The following TVP23A variants were observed in gnomAD, a reference collection of about 807,000 sequenced individuals.
TVP23A encodes Golgi apparatus membrane protein TVP23 homolog A.
In TVP23A, 21 loss-of-function variants were observed where a neutral mutation model predicts 31.7. The ratio of observed to expected loss-of-function variants is 0.66; its 90% CI spans 0.47 to 0.95. TVP23A has a LOEUF of 0.95. Ranked by LOEUF, TVP23A falls within the 40% of genes least tolerant of loss-of-function variation. The pLI is 0.00. For synonymous variants in TVP23A, 104 were observed against 96.0 expected, an observed-to-expected ratio of 1.08 and a Z score of -0.49; for missense variants, 279 against 255.6, an observed-to-expected ratio of 1.09 and a Z score of -0.62.
In TVP23A at chr16:10,767,557, T is replaced by A; in HGVS notation, c.*1545A>T. The A allele has an allele frequency of 2.2e-6, 1 of 452,398 alleles. No individual in the cohort carries two copies. Among genetic ancestry groups the A allele is most frequent in the Non-Finnish European group, 3.9e-6 (1 of 258,808 alleles). 28.0% of individuals were successfully genotyped at this position (452,398 alleles called of 1,614,324 possible). ...AAGACACCTAGAACACTAGTAGCCCTTTTCGGACTTGGCCTTTTATGCCAT... is the reference window on the plus strand; with the variant it reads ...AAGACACCTAGAACACTAGTAGCCCATTTCGGACTTGGCCTTTTATGCCAT... On this transcript the variant is annotated 3_prime_UTR_variant, in exon 8 of 8. Transcript: ENST00000299866. This position sits in a 1 kb window ranked among gnomAD's most constrained non-coding sequence, Gnocchi z 4.6.
At chr16:10,814,359 C>A (rs909313145) in intron 2 of TVP23A, among the ~76,000 whole-genome samples, 2 of 152,212 alleles carry the variant, frequency 1.3e-5, no homozygotes, top group Non-Finnish European at 2.9e-5. Flanking sequence ...TGTTCCAACA[C>A]AGACTAACAA....
chr16:10,766,404 A>G (rs1362774434), downstream of TVP23A, among the ~76,000 whole-genome samples: 1 of 152,070 alleles, frequency 6.6e-6, no homozygotes, highest in African/African-American at 2.4e-5. The surrounding 1 kb of genome is among the most constrained non-coding windows in gnomAD (Gnocchi z 4.8). Flanking sequence ...CCCAGGGGGA[A>G]ATGCAGTTAG....
At position 10,767,322 on chromosome 16, in the gene TVP23A, C is replaced by G. The variant is rs980037363; in HGVS notation, c.*1780G>C. 5 of 399,498 alleles carry G rather than the reference C, an allele frequency of 1.3e-5. No homozygotes were observed. Among genetic ancestry groups the G allele is most frequent in the Non-Finnish European group, 1.3e-5 (3 of 226,878 alleles). 24.7% of individuals were successfully genotyped at this position (399,498 alleles called of 1,614,324 possible). A position where few individuals can be genotyped will look rare whatever the true frequency, so the allele number is the denominator to read the frequency against. ...AAACCTGGGTGTGCATAGGAGGGGA[C>G]TGGAACAATGGCCACATGGCGGGGA... On this transcript the variant is annotated 3_prime_UTR_variant, in exon 8 of 8. Coordinates refer to ENST00000299866, the MANE Select transcript of TVP23A (RefSeq NM_001079512.4). This position sits in a 1 kb window ranked among gnomAD's most constrained non-coding sequence, Gnocchi z 4.6.
At chr16:10,796,716 G>A (rs1376526375) in intron 2 of TVP23A, among the ~76,000 whole-genome samples, 2 of 152,180 alleles carry the variant, frequency 1.3e-5, no homozygotes, top group African/African-American at 2.4e-5. Flanking sequence ...GGGATTACAG[G>A]CGTGAGCCAC....
Position 10,767,986 on chromosome 16 carries a change from C to T in TVP23A, c.*1116G>A, listed in dbSNP as rs376114818. 58 of 1,613,932 alleles carry T rather than the reference C, an allele frequency of 3.6e-5. 3 individuals carry two copies. The South Asian group carries it at 4.5e-4, about 13-fold the overall frequency. ...ACAAAGGCCAGTCTTTTTTCATTGA[C>T]GCCCCAGATTCCCCAGCCACGTTAG... On this transcript the variant is annotated 3_prime_UTR_variant, in exon 8 of 8. Coordinates refer to ENST00000299866, the MANE Select transcript of TVP23A (RefSeq NM_001079512.4). This position sits in a 1 kb window ranked among gnomAD's most constrained non-coding sequence, Gnocchi z 4.6.
Position 10,767,433 on chromosome 16 carries a change from T to G in TVP23A, c.*1669A>C, listed in dbSNP as rs1567269901. ...CAAAGCAGCAGGCAGAATGTGTGTG[T>G]CATGTGCTCCCATTCGTATTTTAGG... On this transcript the variant is annotated 3_prime_UTR_variant, in exon 8 of 8. Coordinates refer to ENST00000299866, the MANE Select transcript of TVP23A (RefSeq NM_001079512.4). This position sits in a 1 kb window ranked among gnomAD's most constrained non-coding sequence, Gnocchi z 4.6. 2.5e-6 allele frequency: 1 copy of G among 400,186 alleles called. No homozygotes were observed. Among genetic ancestry groups the G allele is most frequent in the Non-Finnish European group, 4.4e-6 (1 of 227,418 alleles). The allele number at this position is 400,186 out of a possible 1,614,324, so 24.8% of individuals were successfully genotyped here. A position where few individuals can be genotyped will look rare whatever the true frequency, so the allele number is the denominator to read the frequency against.
exon 9 of TVP23A, chr16:10,761,446 T>A: frequency 6.2e-7 from 1 of 1,614,066 alleles, no homozygotes; most frequent in East Asian, 2.2e-5. Flanking sequence ...GTGGAGAACA[T>A]GAGTGGCTTC....
chr16:10,799,349 C>T (rs8051032), intron 2 of TVP23A, among the ~76,000 whole-genome samples: 36,287 of 152,104 alleles, frequency 0.24, 9,772 homozygotes, highest in African/African-American at 0.66. Flanking sequence ...TTTTTGTTTG[C>T]TTGAGACAGA....
intron 2 of TVP23A, among the ~76,000 whole-genome samples, chr16:10,784,667 T>C (rs2032636788): frequency 1.3e-5 from 2 of 152,180 alleles, no homozygotes; most frequent in South Asian, 4.1e-4. Flanking sequence ...TTAATAATAA[T>C]GTATTGGTTC....
chr16:10,798,103 C>G (rs1291443244), intron 2 of TVP23A, among the ~76,000 whole-genome samples: 3 of 151,282 alleles, frequency 2.0e-5, no homozygotes, highest in African/African-American at 7.3e-5. Context: ...CTACAGGCAC[C>G]TGCCACCACG....
intron 2 of TVP23A, among the ~76,000 whole-genome samples, chr16:10,792,096 A>G (rs2033138172): frequency 6.6e-6 from 1 of 152,202 alleles, no homozygotes; most frequent in African/African-American, 2.4e-5. Flanking sequence ...AAACCTGCCT[A>G]TAAAATCTGC....
Position 10,818,313 on chromosome 16 carries a change from G to C in TVP23A, c.10-131C>G, listed in dbSNP as rs1316290569. 7.5e-7 allele frequency: 1 copy of C among 1,333,308 alleles called. No individual in the cohort carries two copies. Among genetic ancestry groups the C allele is most frequent in the Non-Finnish European group, 1.0e-6 (1 of 967,940 alleles). The allele number at this position is 1,333,308 out of a possible 1,614,324, so 82.6% of individuals were successfully genotyped here. ...CCCAAGTGGACCCTCCGAGCTGGCGGGGCCCCTCCGCTGCGGCTGCAGTGC... is the reference window on the plus strand; with the variant it reads ...CCCAAGTGGACCCTCCGAGCTGGCGCGGCCCCTCCGCTGCGGCTGCAGTGC... On this transcript the variant is annotated intron_variant, in intron 1 of 7. Transcript: ENST00000299866. This position sits in a 1 kb window ranked among gnomAD's most constrained non-coding sequence, Gnocchi z 4.7.
intron 2 of TVP23A, among the ~76,000 whole-genome samples, chr16:10,811,926 T>C (rs959503736): frequency 1.5e-5 from 2 of 133,934 alleles, no homozygotes; most frequent in Admixed American, 7.4e-5. Context: ...AAAAAAAAAG[T>C]ACAAAAAGGC....
Position 10,772,788 on chromosome 16 carries a change from G to GACT in TVP23A, c.453+524_453+525insAGT, listed in dbSNP as rs2031725028. Among the ~76,000 whole-genome samples the GACT allele has an allele frequency of 4.5e-5, 5 of 109,904 alleles. No homozygotes were observed. In the East Asian group the frequency reaches 6.8e-4, roughly 15 times the overall value. The allele number at this position is 109,904 out of a possible 152,430, so 72.1% of individuals were successfully genotyped here. ...GGGAAGCAATGTCAAAAGGGCGCAA[G>GACT]GCTTCTTCCGGTGATGAAAATTTCC... On this transcript the variant is annotated intron_variant, in intron 5 of 7. Transcript: ENST00000299866.
At position 10,775,348 on chromosome 16, in the gene TVP23A, T is replaced by TC. The variant is rs369952079; in HGVS notation, c.90-253dup. 237 of 1,310,642 alleles carry TC rather than the reference T, an allele frequency of 1.8e-4. No individual in the cohort carries two copies. In the African/African-American group the frequency reaches 3.2e-3, roughly 18 times the overall value. The allele number at this position is 1,310,642 out of a possible 1,614,324, so 81.2% of individuals were successfully genotyped here. On this transcript the variant is annotated intron_variant, in intron 2 of 7. Transcript: ENST00000299866. The stretch of plus-strand genomic sequence containing the variant: ...ATCCAGTACTTTCCCGCCACTTGAC[T>TC]CCAAATATCACTTGCCCTCTTCGAA...
Position 10,801,257 on chromosome 16 carries a change from C to T in TVP23A, c.89+16846G>A, listed in dbSNP as rs78198142. ...CACAGCTCAAAAAAAGAAAATGTCCCTTTATCCTAACATCATTTCTGCAGT... is the reference window on the plus strand; with the variant it reads ...CACAGCTCAAAAAAAGAAAATGTCCTTTTATCCTAACATCATTTCTGCAGT... On this transcript the variant is annotated intron_variant, in intron 2 of 7. Coordinates refer to ENST00000299866, the MANE Select transcript of TVP23A (RefSeq NM_001079512.4). 9.6e-3 allele frequency among the ~76,000 whole-genome samples: 1,456 copies of T among 152,218 alleles called. 27 individuals carry two copies. Among genetic ancestry groups the T allele is most frequent in the African/African-American group, 0.033 (1,376 of 41,516 alleles).
chr16:10,810,251 G>C (rs1409591966), intron 2 of TVP23A, among the ~76,000 whole-genome samples: 1 of 152,056 alleles, frequency 6.6e-6, no homozygotes, highest in Non-Finnish European at 1.5e-5. Flanking sequence ...ATTGGTGGAC[G>C]GAGAAAAGAA....
chr16:10,803,913 G>A (rs1173470438), intron 2 of TVP23A, among the ~76,000 whole-genome samples: 1 of 152,186 alleles, frequency 6.6e-6, no homozygotes, highest in African/African-American at 2.4e-5. Context: ...GCACAACCTT[G>A]TAAATATACT....
chr16:10,802,541 A>C (rs1042522737), intron 2 of TVP23A, among the ~76,000 whole-genome samples: 94 of 152,050 alleles, frequency 6.2e-4, no homozygotes, highest in African/African-American at 2.0e-3. Context: ...CAACCTCCCA[A>C]ATTGCTGGGG....
Sources: gnomAD v4.1 joint callset for allele counts (sites outside exome capture counted in the v4.1 genomes callset) on GRCh38, gnomAD v4.1.1 for gene constraint, Gnocchi (gnomAD v3.1) non-coding constraint, MANE v1.5 for transcripts, NCBI Gene and HGNC (gene_info 2026-07-23, HGNC 2026-07-21) for gene names.